Variants in TBC1D32 observed in about 807,000 individuals in gnomAD.
TBC1D32 encodes TBC1 domain family member 32, also known as protein broad-minded.
A neutral mutation model predicts 170.3 loss-of-function variants in TBC1D32; 151 were observed. The observed-to-expected ratio is 0.89, with a 90% CI of 0.78 to 1.01. TBC1D32 has a LOEUF of 1.01. TBC1D32 is among the 50% of genes least tolerant of loss of function. TBC1D32 has a pLI of 0.00. For synonymous variants in TBC1D32, 498 were observed against 488.0 expected (o/e 1.02, Z -0.27); for missense variants, 1,464 against 1,457.1 (o/e 1.00, Z -0.08).
intron 29 of TBC1D32, among the ~76,000 whole-genome samples, chr6:121,108,093 C>T (rs567740748): frequency 8.5e-5 from 13 of 152,182 alleles, no homozygotes; most frequent in African/African-American, 2.9e-4. Context: ...ATTGCACACA[C>T]AGACTGCACA....
At chr6:121,334,497 G>C (rs911480176), upstream of TBC1D32, 4 of 1,513,414 alleles carry the variant, frequency 2.6e-6, no homozygotes, top group African/African-American at 5.6e-5. Flanking sequence ...CTGCGCACGC[G>C]CACGCGCACC....
At position 121,142,660 on chromosome 6, in the gene TBC1D32, T is replaced by C. The variant is rs145283762; in HGVS notation, c.2774-10908A>G. 9.1e-4 allele frequency among the ~76,000 whole-genome samples: 138 copies of C among 152,284 alleles called. 1 individual carries two copies. Among genetic ancestry groups the C allele is most frequent in the African/African-American group, 3.0e-3 (125 of 41,574 alleles). ...TGTGATGCTTTCAATGACTGGAGTA[T>C]GCTATCTAATTCCTCAAGCTATTTT... On this transcript the variant is annotated intron_variant, in intron 24 of 31. Coordinates refer to ENST00000398212, the MANE Select transcript of TBC1D32 (RefSeq NM_152730.6).
In TBC1D32 at chr6:121,115,194, G is replaced by A; in HGVS notation, c.3031C>T (p.Leu1011Phe). ...TACCTGACAGTCATTTTAATGCCAA[G>A]CTGCTGCACAGATGAAAGACTTTCA... ...KNESLSSVQQ[L>F]GIKMTVRYGK... Residue 1011 changes from leucine to phenylalanine, a missense_variant, in exon 27 of 32, where the codon CTT becomes TTT. Physicochemically the swap from Leu to Phe is conservative, Grantham distance 22. Transcript: ENST00000398212. The A allele has an allele frequency of 6.3e-7, 1 of 1,598,384 alleles. No homozygotes were observed. The highest frequency in any genetic ancestry group is 8.5e-7 in the Non-Finnish European group (1 of 1,170,966).
At chr6:121,273,807 G>A (rs934370029) in intron 15 of TBC1D32, among the ~76,000 whole-genome samples, 7 of 152,158 alleles carry the variant, frequency 4.6e-5, no homozygotes, top group Admixed American at 3.3e-4. Context: ...ATTAAAGGGG[G>A]CCAACTGTTC....
At chr6:121,189,253 C>A (rs573186707) in intron 22 of TBC1D32, among the ~76,000 whole-genome samples, 54 of 152,018 alleles carry the variant, frequency 3.6e-4, no homozygotes, top group African/African-American at 1.3e-3. Flanking sequence ...TACTCAGGAA[C>A]AAATCACAGC....
intron 29 of TBC1D32, among the ~76,000 whole-genome samples, chr6:121,111,106 G>T (rs200342260): frequency 6.6e-6 from 1 of 152,236 alleles, no homozygotes; most frequent in East Asian, 1.9e-4. Flanking sequence ...CATATTCAAT[G>T]ATGCTATCAA....
intron 15 of TBC1D32, among the ~76,000 whole-genome samples, chr6:121,270,664 C>G (rs1414805126): frequency 6.6e-6 from 1 of 152,060 alleles, no homozygotes; most frequent in African/African-American, 2.4e-5. Flanking sequence ...GGATTCACAG[C>G]CAAAATCTAC....
At chr6:121,223,406 A>G in intron 20 of TBC1D32, 54 bp from the exon 21 acceptor site, 1 of 1,157,446 alleles carries the variant, frequency 8.6e-7, no homozygotes, top group Non-Finnish European at 1.3e-6. Flanking sequence ...AACCACATCC[A>G]TGGAGAGTCA....
intron 30 of TBC1D32, among the ~76,000 whole-genome samples, chr6:121,105,523 A>G (rs1046731501): frequency 6.6e-6 from 1 of 151,956 alleles, no homozygotes; most frequent in Non-Finnish European, 1.5e-5. Flanking sequence ...CTGGCTATAC[A>G]CAGAAAGAAG....
At chr6:121,260,223 A>G (rs1341492764) in intron 15 of TBC1D32, among the ~76,000 whole-genome samples, 2 of 152,212 alleles carry the variant, frequency 1.3e-5, no homozygotes, top group Non-Finnish European at 2.9e-5. Context: ...AAATATTTGA[A>G]TAAACCTCCA....
chr6:121,085,117 C>G (rs1477282681), intron 31 of TBC1D32, among the ~76,000 whole-genome samples: 4 of 150,854 alleles, frequency 2.7e-5, no homozygotes, highest in Admixed American at 6.6e-5. Context: ...ATATAGAAAG[C>G]TCTTGAGAGA....
At chr6:121,273,872 G>A (rs1184333314) in intron 15 of TBC1D32, among the ~76,000 whole-genome samples, 1 of 152,072 alleles carries the variant, frequency 6.6e-6, no homozygotes, top group Non-Finnish European at 1.5e-5. Flanking sequence ...GACTGTTTCT[G>A]TACCTCACTT....
At chr6:121,218,742 T>A (rs1794134397) in intron 21 of TBC1D32, among the ~76,000 whole-genome samples, 1 of 152,158 alleles carries the variant, frequency 6.6e-6, no homozygotes, top group African/African-American at 2.4e-5. Context: ...ACACCATATG[T>A]CATGGAAGAG....
chr6:121,256,324 T>C (rs369135729), intron 15 of TBC1D32, 39 bp from the exon 16 acceptor site: 53 of 1,522,252 alleles, frequency 3.5e-5, no homozygotes, highest in Non-Finnish European at 4.2e-5. Flanking sequence ...AAGGTTATAT[T>C]AATCTTGACT....
At chr6:121,320,737 G>A (rs1190966890) in intron 2 of TBC1D32, among the ~76,000 whole-genome samples, 1 of 152,064 alleles carries the variant, frequency 6.6e-6, no homozygotes, top group African/African-American at 2.4e-5. Flanking sequence ...GTCCCAAAGA[G>A]GAAGAGCTCC....
At position 121,283,823 on chromosome 6, in the gene TBC1D32, TG is replaced by T; in HGVS notation, c.1459del (p.His487IlefsTer11). On this transcript the variant is annotated frameshift_variant, in exon 13 of 32. Coordinates refer to ENST00000398212, the MANE Select transcript of TBC1D32 (RefSeq NM_152730.6). LOFTEE classifies it high-confidence loss of function. ...PSCPKMTSAAHSENYSPASMV... is the reference protein window; with the variant it reads ...PSCPKMTSAAXSENYSPASMV... ...TAAAATAGAAACAGAATTACCTGAATGGGCAGCTGATGTCATCTTTGGACAA... is the reference window on the plus strand; with the variant it reads ...TAAAATAGAAACAGAATTACCTGAATGGCAGCTGATGTCATCTTTGGACAA... The T allele has an allele frequency of 1.3e-6, 2 of 1,599,728 alleles. No individual in the cohort carries two copies. Among genetic ancestry groups the T allele is most frequent in the Non-Finnish European group, 1.7e-6 (2 of 1,169,396 alleles).
chr6:121,147,660 C>T (rs572650774), intron 24 of TBC1D32, among the ~76,000 whole-genome samples: 4 of 152,030 alleles, frequency 2.6e-5, no homozygotes, highest in South Asian at 2.1e-4. Context: ...GGTGCAATCT[C>T]GGCTCACTGC....
chr6:121,258,655 ATTCATATTTCTT>A (rs1799366015), intron 15 of TBC1D32, among the ~76,000 whole-genome samples: 4 of 152,108 alleles, frequency 2.6e-5, no homozygotes, highest in Non-Finnish European at 5.9e-5. Flanking sequence ...AAATATGATC[ATTCATATTTCTT>A]TGTATCATAC....
chr6:121,148,309 A>G (rs555065585), intron 24 of TBC1D32, among the ~76,000 whole-genome samples: 68 of 152,298 alleles, frequency 4.5e-4, no homozygotes, highest in South Asian at 4.2e-4. Flanking sequence ...TGAAAAGGAC[A>G]TGAACTAATT....
Sources: allele counts gnomAD v4.1 joint callset (sites outside exome capture counted in the v4.1 genomes callset), GRCh38; gene constraint gnomAD v4.1.1; transcripts MANE v1.5; gene names NCBI Gene and HGNC (gene_info 2026-07-23, HGNC 2026-07-21).